The following NFASC variants were observed in gnomAD, a reference collection of about 807,000 sequenced individuals.
NFASC encodes neurofascin.
Under a neutral mutation model 147.5 loss-of-function variants are expected in NFASC, and 43 were observed. The observed-to-expected ratio is 0.29, with a 90% CI of 0.23 to 0.38. The LOEUF (loss-of-function observed/expected upper bound fraction) is 0.38, where lower values mean the gene tolerates loss of function less well. Ranked by LOEUF, NFASC falls within the 10% of genes least tolerant of loss-of-function variation. The probability of loss-of-function intolerance (pLI) is 1.00; values close to 1 mark genes in which losing one functional copy is unlikely to be tolerated. For synonymous variants in NFASC, 622 were observed against 665.5 expected (o/e 0.93, Z 1.01); for missense variants, 1,320 against 1,689.0 (o/e 0.78, Z 3.83).
intron 1 of NFASC, among the ~76,000 whole-genome samples, chr1:204,860,701 C>G (rs1029016666): frequency 1.3e-5 from 2 of 152,164 alleles, no homozygotes; most frequent in African/African-American, 4.8e-5. Context: ...ACTTTTATTA[C>G]CCCAAAAGGA....
At chr1:204,881,613 A>G (rs542157717) in intron 1 of NFASC, among the ~76,000 whole-genome samples, 37 of 152,268 alleles carry the variant, frequency 2.4e-4, no homozygotes, top group African/African-American at 7.9e-4. Flanking sequence ...CCTGCCGTCA[A>G]TGAGCTTCAG....
At chr1:204,837,960 C>T (rs1674238676) in intron 1 of NFASC, among the ~76,000 whole-genome samples, 1 of 152,146 alleles carries the variant, frequency 6.6e-6, no homozygotes, top group Non-Finnish European at 1.5e-5. Context: ...CATGAGAATT[C>T]CAGCACACTG....
rs867925646 is a variant in NFASC, at chr1:204,982,108, G to A, written c.2470+88G>A. The A allele has an allele frequency of 3.6e-6, 3 of 841,434 alleles. No individual in the cohort carries two copies. In the Middle Eastern group the frequency reaches 7.0e-4, roughly 196 times the overall value. 52.1% of individuals were successfully genotyped at this position (841,434 alleles called of 1,614,324 possible). On this transcript the variant is annotated intron_variant, in intron 21 of 29. Coordinates refer to ENST00000339876, the MANE Select transcript of NFASC (RefSeq NM_001005388.3). ...CTCACAGGCCAGGAACCTTGGGGTG[G>A]GTATGGGAGGACAGCCAGTTCCCAG...
chr1:204,997,101 G>C, intron 24 of NFASC, 69 bp from the exon 25 acceptor site: 3 of 1,555,508 alleles, frequency 1.9e-6, no homozygotes, highest in Non-Finnish European at 2.6e-6. Context: ...CCTTGCACGC[G>C]GGGGCCGTGT....
chr1:204,913,229 A>T (rs1435017070), intron 1 of NFASC, among the ~76,000 whole-genome samples: 1 of 152,222 alleles, frequency 6.6e-6, no homozygotes, highest in African/African-American at 2.4e-5. Flanking sequence ...ATTAAAATTC[A>T]TATCACATTC....
chr1:204,843,768 G>A (rs1285495547), intron 1 of NFASC, among the ~76,000 whole-genome samples: 4 of 151,788 alleles, frequency 2.6e-5, no homozygotes, highest in Non-Finnish European at 5.9e-5. Flanking sequence ...GTGCAAAGGG[G>A]TGATCTCGGC....
rs117512738 is a variant in NFASC, at chr1:204,952,781, T to G, written c.215+665T>G. On this transcript the variant is annotated intron_variant, in intron 5 of 29. Transcript: ENST00000339876. ...CCCCATCCCCATCCTCAAAGTAGCA[T>G]CTACAGACTGAGCCTTTCAGGAGCC... Among the ~76,000 whole-genome samples the G allele has an allele frequency of 1.6e-4, 24 of 152,328 alleles. No individual in the cohort carries two copies. In the East Asian group the frequency reaches 4.6e-3, roughly 29 times the overall value.
At chr1:204,912,866 A>G (rs2087976143) in intron 1 of NFASC, among the ~76,000 whole-genome samples, 1 of 49,748 alleles carries the variant, frequency 2.0e-5, no homozygotes, top group Non-Finnish European at 4.9e-5. Flanking sequence ...CAAAAAAAAA[A>G]ATAATTTAAA....
At chr1:204,942,176 T>A (rs1429531592) in intron 2 of NFASC, among the ~76,000 whole-genome samples, 1 of 152,128 alleles carries the variant, frequency 6.6e-6, no homozygotes, top group Admixed American at 6.5e-5. Context: ...TTGGAATGAA[T>A]ACAAAGTGAA....
intron 24 of NFASC, among the ~76,000 whole-genome samples, chr1:204,992,452 C>G (rs1349497159): frequency 6.6e-6 from 1 of 152,154 alleles, no homozygotes; most frequent in African/African-American, 2.4e-5. Flanking sequence ...GTATGTTTTG[C>G]GGCCAGATCT....
intron 2 of NFASC, among the ~76,000 whole-genome samples, chr1:204,932,406 A>G (rs890414896): frequency 6.6e-6 from 1 of 152,198 alleles, no homozygotes; most frequent in Non-Finnish European, 1.5e-5. Flanking sequence ...CTTCCATTCC[A>G]TAAATATTCC....
In NFASC at chr1:204,975,192, G is replaced by A. The variant is rs886086245; in HGVS notation, c.1559-79G>A. ...TAGTTGGCCCAAGGCCTCGAGGGCA[G>A]ACATATGCCACTTTGTGGCCGCATG... On this transcript the variant is annotated intron_variant, in intron 14 of 29. Coordinates refer to ENST00000339876, the MANE Select transcript of NFASC (RefSeq NM_001005388.3). This position sits in a 1 kb window ranked among gnomAD's most constrained non-coding sequence, Gnocchi z 4.0. The A allele has an allele frequency of 6.6e-6, 10 of 1,509,122 alleles. No individual in the cohort carries two copies. Among genetic ancestry groups the A allele is most frequent in the Admixed American group, 2.0e-5 (1 of 50,414 alleles). 93.5% of individuals were successfully genotyped at this position (1,509,122 alleles called of 1,614,324 possible).
At chr1:204,861,767 G>A (rs2076697510) in intron 1 of NFASC, among the ~76,000 whole-genome samples, 1 of 152,312 alleles carries the variant, frequency 6.6e-6, no homozygotes, top group South Asian at 2.1e-4. Context: ...GGGATTACAG[G>A]CGTGAGCCAC....
intron 27 of NFASC, among the ~76,000 whole-genome samples, chr1:205,007,558 T>C (rs2096148275): frequency 6.6e-6 from 1 of 151,958 alleles, no homozygotes; most frequent in Non-Finnish European, 1.5e-5. Flanking sequence ...ATATATTAAA[T>C]GGTTATAAAT....
intron 17 of NFASC, 135 bp from the exon 18 acceptor site, chr1:204,978,833 A>G: frequency 1.6e-6 from 1 of 624,776 alleles, no homozygotes; most frequent in East Asian, 2.8e-5. Flanking sequence ...CCCTGTGCTC[A>G]CCCCTCAGGG....
chr1:204,991,086 G>C (rs1363243844), intron 23 of NFASC, among the ~76,000 whole-genome samples: 1 of 152,244 alleles, frequency 6.6e-6, no homozygotes, highest in Non-Finnish European at 1.5e-5. Context: ...GAACATGCCT[G>C]ACTCAGGTGG....
chr1:204,940,909 G>A (rs938690514), intron 2 of NFASC, among the ~76,000 whole-genome samples: 2 of 152,178 alleles, frequency 1.3e-5, no homozygotes, highest in Admixed American at 1.3e-4. Context: ...TGAACATTTT[G>A]TGTACATGTA....
intron 1 of NFASC, among the ~76,000 whole-genome samples, chr1:204,901,306 G>C (rs1190792480): frequency 6.6e-6 from 1 of 152,140 alleles, no homozygotes; most frequent in Non-Finnish European, 1.5e-5. Context: ...CACCAAAGCA[G>C]AAGAGAAGAG....
At position 205,000,794 on chromosome 1, in the gene NFASC, T is replaced by C. The variant is rs72753470; in HGVS notation, c.3020-376T>C. The C allele has an allele frequency of 7.5e-3, 2,038 of 271,602 alleles. 31 individuals carry two copies. Among genetic ancestry groups the C allele is most frequent in the South Asian group, 0.011 (312 of 28,936 alleles). 16.8% of individuals were successfully genotyped at this position (271,602 alleles called of 1,614,324 possible). A position where few individuals can be genotyped will look rare whatever the true frequency, so the allele number is the denominator to read the frequency against. Reference sequence around the variant, plus strand: ...GTGAGTCGAGATCGCACCACTGTACTCCAGCTTGGGCAACAGAACAATACT... The same window carrying C: ...GTGAGTCGAGATCGCACCACTGTACCCCAGCTTGGGCAACAGAACAATACT... On this transcript the variant is annotated intron_variant, in intron 25 of 29. Transcript: ENST00000339876.
Sources: allele counts gnomAD v4.1 joint callset (sites outside exome capture counted in the v4.1 genomes callset), GRCh38; gene constraint gnomAD v4.1.1; non-coding constraint Gnocchi (gnomAD v3.1); transcripts MANE v1.5; gene names NCBI Gene and HGNC (gene_info 2026-07-23, HGNC 2026-07-21).